The following PIK3C2G variants were observed in gnomAD, a reference collection of about 807,000 sequenced individuals.
PIK3C2G encodes the protein phosphatidylinositol 3-kinase C2 domain-containing subunit gamma.
PIK3C2G carries 168 observed loss-of-function variants against 181.1 expected under a neutral mutation model. The observed-to-expected ratio is 0.93, with a 90% confidence interval of 0.82 to 1.05. The LOEUF is 1.05. Ranked by LOEUF, PIK3C2G falls within the 50% of genes least tolerant of loss-of-function variation. The pLI is 0.00. For synonymous variants in PIK3C2G, 573 were observed against 592.2 expected, an observed-to-expected ratio of 0.97 and a Z score of 0.47; for missense variants, 1,869 against 1,732.8, an observed-to-expected ratio of 1.08 and a Z score of -1.40.
chr12:18,557,458 A>ACCATT (rs1945071927), intron 26 of PIK3C2G, among the ~76,000 whole-genome samples: 1 of 152,130 alleles, frequency 6.6e-6, no homozygotes, highest in East Asian at 1.9e-4. Flanking sequence ...AAAATGTAGA[A>ACCATT]CCATTCATTT....
At chr12:18,303,115 C>CCTTCTTTCTTTCTTTCTTTCTTTCT (rs1950253064) in intron 5 of PIK3C2G, among the ~76,000 whole-genome samples, 1 of 136,604 alleles carries the variant, frequency 7.3e-6, no homozygotes, top group Admixed American at 7.4e-5. Context: ...TCTTTCTTTC[C>CCTTCTTTCTTTCTTTCTTTCTTTCT]TTCTTTCTTT....
intron 11 of PIK3C2G, among the ~76,000 whole-genome samples, chr12:18,350,714 C>T (rs757396635): frequency 6.6e-6 from 1 of 152,094 alleles, no homozygotes; most frequent in Non-Finnish European, 1.5e-5. Flanking sequence ...ATGCATATAC[C>T]AACCAAATAT....
chr12:18,395,358 A>T (rs919686921), intron 15 of PIK3C2G, among the ~76,000 whole-genome samples: 5 of 151,150 alleles, frequency 3.3e-5, no homozygotes, highest in African/African-American at 1.2e-4. Context: ...GAGGTTGAAT[A>T]CTATCTTTGT....
chr12:18,346,575 G>A (rs1004898490), intron 10 of PIK3C2G, 66 bp from the exon 11 acceptor site: 14 of 870,208 alleles, frequency 1.6e-5, no homozygotes, highest in Admixed American at 2.3e-5. Flanking sequence ...TTTCAAAGCT[G>A]TAATTGATGG....
At chr12:18,718,861 A>C in the PIK3C2G span, among the ~76,000 whole-genome samples, 1 of 152,180 alleles carries the variant, frequency 6.6e-6, no homozygotes, top group African/African-American at 2.4e-5. Flanking sequence ...CTGACTGACT[A>C]AACTGAAGTC....
chr12:18,672,430 T>C, the PIK3C2G span, among the ~76,000 whole-genome samples: 4 of 152,126 alleles, frequency 2.6e-5, no homozygotes, highest in South Asian at 2.1e-4. Flanking sequence ...AGTTTCAAGA[T>C]AGAATCTGGA....
the PIK3C2G span, among the ~76,000 whole-genome samples, chr12:18,706,243 T>TAAAAAA: frequency 6.6e-5 from 8 of 120,734 alleles, no homozygotes; most frequent in African/African-American, 2.9e-5. Flanking sequence ...AAAATAAAAA[T>TAAAAAA]AAAAAAAAAA....
chr12:18,326,100 A>G (rs1951336455), intron 8 of PIK3C2G, among the ~76,000 whole-genome samples: 1 of 152,198 alleles, frequency 6.6e-6, no homozygotes, highest in Non-Finnish European at 1.5e-5. Context: ...TTATGTGCCT[A>G]GAATAACTCA....
In PIK3C2G at chr12:18,424,030, G is replaced by T; in HGVS notation, c.2495G>T (p.Arg832Leu). Residue 832 changes from arginine (R) to leucine (L), a missense_variant, in exon 18 of 33, where the codon CGT becomes CTT. By Grantham distance (102) the Arg-to-Leu change is moderately radical. Transcript: ENST00000538779. ...RSLQSIQVAH[R>L]LYWLLKNAEN... ...TTGCAGAGCATCCAGGTTGCCCATCGTCTTTACTGGTAAGATTAACTAAAT... is the reference window on the plus strand; with the variant it reads ...TTGCAGAGCATCCAGGTTGCCCATCTTCTTTACTGGTAAGATTAACTAAAT... The T allele has an allele frequency of 6.2e-7, 1 of 1,602,686 alleles. No individual in the cohort carries two copies. Among genetic ancestry groups the T allele is most frequent in the Non-Finnish European group, 8.5e-7 (1 of 1,171,954 alleles).
At chr12:18,650,761 T>C (rs1045270316), downstream of PIK3C2G, among the ~76,000 whole-genome samples, 3 of 109,016 alleles carry the variant, frequency 2.8e-5, 1 homozygote, top group African/African-American at 9.8e-5. Flanking sequence ...TATATATATA[T>C]ATATTCCAGT....
chr12:18,254,647 A>C (rs912216751), intron 1 of PIK3C2G, among the ~76,000 whole-genome samples: 1 of 151,528 alleles, frequency 6.6e-6, no homozygotes, highest in East Asian at 2.0e-4. Context: ...GATTGAGACT[A>C]TCTTGGCAAA....
the PIK3C2G span, among the ~76,000 whole-genome samples, chr12:18,657,749 A>G: frequency 6.6e-6 from 1 of 152,206 alleles, no homozygotes. Flanking sequence ...ACACTATAAT[A>G]TTCAAAATGT....
At chr12:18,349,798 G>A (rs375664635) in intron 11 of PIK3C2G, among the ~76,000 whole-genome samples, 44 of 152,076 alleles carry the variant, frequency 2.9e-4, no homozygotes, top group African/African-American at 8.9e-4. Context: ...TACAATGTCC[G>A]TGTGACCATG....
chr12:18,584,431 G>C (rs968599230), intron 29 of PIK3C2G, among the ~76,000 whole-genome samples: 1 of 152,038 alleles, frequency 6.6e-6, no homozygotes, highest in African/African-American at 2.4e-5. Context: ...ACCAAGCTGG[G>C]GAAAGAATTT....
chr12:18,248,507 C>A (rs1044687171), intron 1 of PIK3C2G, among the ~76,000 whole-genome samples: 8 of 152,068 alleles, frequency 5.3e-5, no homozygotes, highest in Non-Finnish European at 1.2e-4. Context: ...CGGGGCGGAG[C>A]CTGCAGTGAG....
At chr12:18,530,468 C>G (rs1005763247) in intron 24 of PIK3C2G, among the ~76,000 whole-genome samples, 1 of 152,148 alleles carries the variant, frequency 6.6e-6, no homozygotes, top group Non-Finnish European at 1.5e-5. Flanking sequence ...ATTTTGCTCG[C>G]CTTCACAAAT....
At chr12:18,559,710 C>G (rs749067464) in intron 26 of PIK3C2G, among the ~76,000 whole-genome samples, 53 of 141,598 alleles carry the variant, frequency 3.7e-4, no homozygotes, top group Admixed American at 1.3e-3. Flanking sequence ...AAGGGAAAAT[C>G]AAAGTCCAGA....
At chr12:18,364,039 A>G (rs1195627290) in intron 12 of PIK3C2G, among the ~76,000 whole-genome samples, 1 of 152,208 alleles carries the variant, frequency 6.6e-6, no homozygotes, top group African/African-American at 2.4e-5. Context: ...TCCAATTCTT[A>G]TAAGGCAAAG....
chr12:18,481,796 CA>C (rs1160595289), intron 18 of PIK3C2G, among the ~76,000 whole-genome samples: 3 of 152,030 alleles, frequency 2.0e-5, no homozygotes, highest in Admixed American at 6.5e-5. Context: ...AGTTTTGGGT[CA>C]AGGTTCCCCA....
Sources: allele counts gnomAD v4.1 joint callset (sites outside exome capture counted in the v4.1 genomes callset), GRCh38; gene constraint gnomAD v4.1.1; transcripts MANE v1.5; gene names NCBI Gene and HGNC (gene_info 2026-07-23, HGNC 2026-07-21).